PADI3: variants seen among roughly 807,000 people sequenced by gnomAD.
PADI3 encodes the protein peptidyl arginine deiminase 3.
Under a neutral mutation model 71.5 loss-of-function variants are expected in PADI3, and 53 were observed. That is an observed-to-expected ratio of 0.74 (90% CI 0.59 to 0.93). PADI3 has a LOEUF of 0.93. Among genes scored for constraint, PADI3 ranks in the 40% least tolerant of loss-of-function variants. The probability of loss-of-function intolerance (pLI) is 0.00; values close to 1 mark genes in which losing one functional copy is unlikely to be tolerated. For synonymous variants in PADI3, 361 were observed against 347.5 expected (o/e 1.04, Z -0.43); for missense variants, 821 against 868.0 (o/e 0.95, Z 0.68).
intron 3 of PADI3, among the ~76,000 whole-genome samples, chr1:17,263,436 G>A (rs940928135): frequency 8.6e-5 from 13 of 152,040 alleles, no homozygotes; most frequent in Admixed American, 5.2e-4. Context: ...CCATGCTTGT[G>A]TGGTTATCAT....
At position 17,264,331 on chromosome 1, in the gene PADI3, T is replaced by TACACACACAC. The variant is rs60223695; in HGVS notation, c.347-1305_347-1296dup. On this transcript the variant is annotated intron_variant, in intron 3 of 15. Coordinates refer to ENST00000375460, the MANE Select transcript of PADI3 (RefSeq NM_016233.2). Reference sequence around the variant, plus strand: ...CATACATATGTGCATAAAGCATATGTACACACACACACACACACACACACA... The same window carrying TACACACACAC: ...CATACATATGTGCATAAAGCATATGTACACACACACACACACACACACACACACACACACA... 5.6e-3 allele frequency among the ~76,000 whole-genome samples: 831 copies of TACACACACAC among 148,208 alleles called. 8 individuals carry two copies. Among genetic ancestry groups the TACACACACAC allele is most frequent in the Middle Eastern group, 0.01 (3 of 290 alleles).
At position 17,283,487 on chromosome 1, in the gene PADI3, A is replaced by C; in HGVS notation, c.*408A>C. ...AGGATCCATGATTCTGCTTTGGTCC[A>C]ATTGCTTCCTCTCTGCAGAGGAACA... On this transcript the variant is annotated 3_prime_UTR_variant, in exon 16 of 16. Coordinates refer to ENST00000375460, the MANE Select transcript of PADI3 (RefSeq NM_016233.2). 5.7e-6 allele frequency: 1 copy of C among 176,686 alleles called. No individual in the cohort carries two copies. Among genetic ancestry groups the C allele is most frequent in the Admixed American group, 5.6e-5 (1 of 17,700 alleles). The allele number at this position is 176,686 out of a possible 1,614,324, so 10.9% of individuals were successfully genotyped here. A position where few individuals can be genotyped will look rare whatever the true frequency, so the allele number is the denominator to read the frequency against.
chr1:17,271,499 G>C (rs1200431050), intron 9 of PADI3, among the ~76,000 whole-genome samples: 6 of 152,194 alleles, frequency 3.9e-5, no homozygotes, highest in Non-Finnish European at 8.8e-5. Flanking sequence ...TGTGTCCCCA[G>C]GAGACGTTTT....
At chr1:17,250,976 G>A (rs1557494885) in intron 1 of PADI3, among the ~76,000 whole-genome samples, 1 of 152,266 alleles carries the variant, frequency 6.6e-6, no homozygotes, top group Non-Finnish European at 1.5e-5. Context: ...GACAGCCACA[G>A]GGTGGGGGAT....
chr1:17,269,287 T>C (rs1209643355), intron 6 of PADI3, among the ~76,000 whole-genome samples: 1 of 152,230 alleles, frequency 6.6e-6, no homozygotes, highest in Non-Finnish European at 1.5e-5. Context: ...ACCGGCTTCT[T>C]TCATTAAGTA....
chr1:17,274,739 G>A lies in PADI3; in HGVS notation c.1260G>A (p.Gly420=). The change falls in exon 11 of 16, where the codon GGG becomes GGA. Residue 420 remains glycine, a synonymous_variant. Transcript: ENST00000375460. The part of the protein sequence containing the change: ...LEVSPPVVAN[G]KEYPLGRILI... ...TCAGCCCTCCAGTGGTGGCCAATGG[G>A]AAAGAGTACCCCCTGGGGAGGATCC... 2 of 1,613,766 alleles carry A rather than the reference G, an allele frequency of 1.2e-6. No individual in the cohort carries two copies. Among genetic ancestry groups the A allele is most frequent in the South Asian group, 2.2e-5 (2 of 91,006 alleles).
intron 2 of PADI3, among the ~76,000 whole-genome samples, chr1:17,261,108 G>GC (rs1408134140): frequency 2.6e-5 from 4 of 152,192 alleles, no homozygotes; most frequent in Admixed American, 1.3e-4. Flanking sequence ...GAGGTGAGTG[G>GC]CCCCTGCAAG....
chr1:17,267,549 G>A (rs191617454), intron 5 of PADI3, among the ~76,000 whole-genome samples: 4 of 152,180 alleles, frequency 2.6e-5, no homozygotes, highest in Non-Finnish European at 5.9e-5. Flanking sequence ...CCTGCACGAC[G>A]CCCACATGGC....
chr1:17,270,481 T>A lies in PADI3; in HGVS notation c.831+70T>A, dbSNP rs1190758757. ...CTGGGCAACATGGTGAAACCCCATCTCTACAAAAAAAAAAAAAATAGCGAG... is the reference window on the plus strand; with the variant it reads ...CTGGGCAACATGGTGAAACCCCATCACTACAAAAAAAAAAAAAATAGCGAG... On this transcript the variant is annotated intron_variant, in intron 7 of 15. Transcript: ENST00000375460. The A allele has an allele frequency of 3.1e-6, 4 of 1,299,066 alleles. No individual in the cohort carries two copies. The African/African-American group carries it at 4.7e-5, about 15-fold the overall frequency. 80.5% of individuals were successfully genotyped at this position (1,299,066 alleles called of 1,614,324 possible). A position where few individuals can be genotyped will look rare whatever the true frequency, so the allele number is the denominator to read the frequency against.
intron 6 of PADI3, among the ~76,000 whole-genome samples, 173 bp from the exon 7 acceptor site, chr1:17,270,060 C>T (rs1334351904): frequency 6.6e-6 from 1 of 152,130 alleles, no homozygotes; most frequent in South Asian, 2.1e-4. Flanking sequence ...TTCCCCCAGC[C>T]GTGGCCCCCA....
At chr1:17,276,070 C>T (rs1448649908) in intron 11 of PADI3, among the ~76,000 whole-genome samples, 3 of 152,234 alleles carry the variant, frequency 2.0e-5, no homozygotes, top group African/African-American at 7.2e-5. Context: ...TGCAGTGGCT[C>T]ATCCCTGTAA....
In PADI3 at chr1:17,278,713, C is replaced by T. The variant is rs538241914; in HGVS notation, c.1556-1637C>T. 3.9e-5 allele frequency among the ~76,000 whole-genome samples: 6 copies of T among 152,116 alleles called. No homozygotes were observed. The East Asian group carries it at 1.2e-3, about 29-fold the overall frequency. ...TCCCTTTCTCAGTGACCCCAGAGGTCCCAGGGCAAAGACCCTTTGACACGC... is the reference window on the plus strand; with the variant it reads ...TCCCTTTCTCAGTGACCCCAGAGGTTCCAGGGCAAAGACCCTTTGACACGC... On this transcript the variant is annotated intron_variant, in intron 13 of 15. Transcript: ENST00000375460.
intron 3 of PADI3, among the ~76,000 whole-genome samples, chr1:17,263,882 A>G (rs1374713096): frequency 6.6e-6 from 1 of 152,218 alleles, no homozygotes; most frequent in Admixed American, 6.5e-5. Flanking sequence ...CTAAATGAGC[A>G]TTGCCAAGGT....
Position 17,282,698 on chromosome 1 carries a change from C to A in PADI3, c.1762-148C>A, listed in dbSNP as rs941693497. On this transcript the variant is annotated intron_variant, in intron 15 of 15. Coordinates refer to ENST00000375460, the MANE Select transcript of PADI3 (RefSeq NM_016233.2). ...CCTGGCTAACCGGTTCTTCCCAGCCCCTTTAGCCAGTTACCTTCTCATTGC... is the reference window on the plus strand; with the variant it reads ...CCTGGCTAACCGGTTCTTCCCAGCCACTTTAGCCAGTTACCTTCTCATTGC... 48 of 654,610 alleles carry A rather than the reference C, an allele frequency of 7.3e-5. No individual in the cohort carries two copies. The South Asian group carries it at 8.1e-4, about 11-fold the overall frequency. 40.6% of individuals were successfully genotyped at this position (654,610 alleles called of 1,614,324 possible). A position where few individuals can be genotyped will look rare whatever the true frequency, so the allele number is the denominator to read the frequency against.
chr1:17,253,884 C>G (rs972872371), intron 1 of PADI3, among the ~76,000 whole-genome samples: 1 of 152,100 alleles, frequency 6.6e-6, no homozygotes, highest in African/African-American at 2.4e-5. Context: ...CCATATGGAC[C>G]CTGAAGGGGT....
At chr1:17,255,674 G>A (rs966959649) in intron 1 of PADI3, among the ~76,000 whole-genome samples, 1 of 152,150 alleles carries the variant, frequency 6.6e-6, no homozygotes, top group African/African-American at 2.4e-5. Flanking sequence ...CATGAGCACT[G>A]GACTGGAAGT....
At position 17,280,812 on chromosome 1, in the gene PADI3, A is replaced by G. The variant is rs368555621; in HGVS notation, c.1761+16A>G. 3 of 1,612,768 alleles carry G rather than the reference A, an allele frequency of 1.9e-6. No homozygotes were observed. Among genetic ancestry groups the G allele is most frequent in the African/African-American group, 1.3e-5 (1 of 74,916 alleles). On this transcript the variant is annotated intron_variant, in intron 15 of 15. Transcript: ENST00000375460. ...CCCTGACTTGGTGAGGGCACTACCC[A>G]TGACTCCTTTGCCAAATCAGGCTGC...
chr1:17,272,097 G>A (rs1448431963), intron 9 of PADI3, among the ~76,000 whole-genome samples: 1 of 152,132 alleles, frequency 6.6e-6, no homozygotes. Flanking sequence ...CCCCCTGTAA[G>A]TCCCCCATAA....
intron 10 of PADI3, 47 bp from the exon 11 acceptor site, chr1:17,274,588 C>T (rs2293917): frequency 0.38 from 590,791 of 1,552,950 alleles, 114,590 homozygotes; most frequent in African/African-American, 0.54. Context: ...TGGTTCAGGC[C>T]CTTCCTGGTA....
Sources: gnomAD v4.1 joint callset for allele counts (sites outside exome capture counted in the v4.1 genomes callset) on GRCh38, gnomAD v4.1.1 for gene constraint, MANE v1.5 for transcripts, NCBI Gene and HGNC (gene_info 2026-07-23, HGNC 2026-07-21) for gene names.